The following KDSR variants were observed in gnomAD, a reference collection of about 807,000 sequenced individuals.
KDSR encodes the protein 3-dehydrosphinganine reductase.
Under a neutral mutation model 41.3 loss-of-function variants are expected in KDSR, and 23 were observed. The observed-to-expected ratio is 0.56, with a 90% CI of 0.40 to 0.79. KDSR has a LOEUF of 0.79. Ranked by LOEUF, KDSR falls within the 30% of genes least tolerant of loss-of-function variation. The pLI is 0.00. For missense variants in KDSR, 351 were observed against 416.8 expected, an observed-to-expected ratio of 0.84 and a Z score of 1.37; for synonymous variants, 138 against 151.7, an observed-to-expected ratio of 0.91 and a Z score of 0.66.
intron 7 of KDSR, among the ~76,000 whole-genome samples, chr18:63,339,655 C>T (rs1337656678): frequency 6.6e-6 from 1 of 152,204 alleles, no homozygotes; most frequent in Non-Finnish European, 1.5e-5. Context: ...TGTTTTAATA[C>T]ACATTATAGC....
In KDSR at chr18:63,331,112, C is replaced by G. The variant is rs547798387; in HGVS notation, c.*670G>C. On this transcript the variant is annotated 3_prime_UTR_variant, in exon 10 of 10. Transcript: ENST00000645214. ...TTCCCATTGCACTGCCCTCTCCCGTCCCCCTCGTAGCTTTATGGGATCAAA... is the reference window on the plus strand; with the variant it reads ...TTCCCATTGCACTGCCCTCTCCCGTGCCCCTCGTAGCTTTATGGGATCAAA... The G allele has an allele frequency of 4.3e-6, 1 of 233,016 alleles. No homozygotes were observed. Among genetic ancestry groups the G allele is most frequent in the Non-Finnish European group, 8.5e-6 (1 of 117,938 alleles). 14.4% of individuals were successfully genotyped at this position (233,016 alleles called of 1,614,324 possible). A position where few individuals can be genotyped will look rare whatever the true frequency, so the allele number is the denominator to read the frequency against.
intron 5 of KDSR, among the ~76,000 whole-genome samples, 154 bp downstream of exon 5, chr18:63,355,049 GT>G (rs1473034945): frequency 6.6e-5 from 10 of 152,188 alleles, no homozygotes; most frequent in African/African-American, 2.4e-4. Flanking sequence ...TGAAAACCTT[GT>G]TCAGCTTCAC....
intron 6 of KDSR, among the ~76,000 whole-genome samples, chr18:63,348,322 TTA>T (rs1810801528): frequency 1.3e-5 from 1 of 77,392 alleles, no homozygotes; most frequent in Non-Finnish European, 3.5e-5. Flanking sequence ...AAAATAAAAA[TTA>T]AAAAAAAAAA....
intron 3 of KDSR, among the ~76,000 whole-genome samples, chr18:63,357,718 T>G (rs934061885): frequency 4.0e-5 from 6 of 151,564 alleles, no homozygotes; most frequent in African/African-American, 1.5e-4. Flanking sequence ...CCCTCCTGAG[T>G]AGCTGGGGTT....
chr18:63,359,461 G>T, intron 3 of KDSR: 2 of 331,198 alleles, frequency 6.0e-6, no homozygotes, highest in Non-Finnish European at 1.1e-5. Context: ...TTAAGCATTT[G>T]TATAAAGTTC....
rs373603284 is a variant in KDSR at position 63,344,487 on chromosome 18, G to A, written c.616C>T (p.Pro206Ser). Reference sequence around the variant, plus strand: ...GCAACTGTGATGTAGACATTATATGGCTTCACCTGCATTTCAAAACAACAC... The same window carrying A: ...GCAACTGTGATGTAGACATTATATGACTTCACCTGCATTTCAAAACAACAC... ...LAEALQMEVK[P>S]YNVYITVAYP... Residue 206 changes from proline to serine, a missense_variant, in exon 7 of 10, where the codon CCA (proline) becomes TCA (serine). By Grantham distance (74) the Pro-to-Ser change is moderately conservative. Coordinates refer to ENST00000645214, the MANE Select transcript of KDSR (RefSeq NM_002035.4). 6.8e-6 allele frequency: 11 copies of A among 1,612,332 alleles called. No homozygotes were observed. In the African/African-American group the frequency reaches 1.5e-4, roughly 22 times the overall value.
chr18:63,343,408 A>C (rs1483408422), intron 7 of KDSR, among the ~76,000 whole-genome samples: 1 of 139,248 alleles, frequency 7.2e-6, no homozygotes. Flanking sequence ...TTTTTTTTAG[A>C]TATTGGTTCT....
At chr18:63,361,092 A>C in intron 2 of KDSR, among the ~76,000 whole-genome samples, 3 of 108,644 alleles carry the variant, frequency 2.8e-5, no homozygotes, top group South Asian at 3.5e-4. Flanking sequence ...ACACACACAA[A>C]TCAGCCAGGT....
At chr18:63,352,247 A>T (rs1914678754) in intron 5 of KDSR, among the ~76,000 whole-genome samples, 1 of 152,190 alleles carries the variant, frequency 6.6e-6, no homozygotes, top group African/African-American at 2.4e-5. Flanking sequence ...TTTTCATATT[A>T]TGAACAGAAC....
chr18:63,360,574 A>G (rs1914930568), intron 2 of KDSR, among the ~76,000 whole-genome samples: 1 of 152,212 alleles, frequency 6.6e-6, no homozygotes, highest in Non-Finnish European at 1.5e-5. Context: ...GGAATTAAAA[A>G]TTACATTAGA....
intron 8 of KDSR, 140 bp from the exon 9 acceptor site, chr18:63,335,498 A>C (rs1914127259): frequency 1.6e-6 from 1 of 632,354 alleles, no homozygotes; most frequent in Admixed American, 2.6e-5. Context: ...CAGCACTCAG[A>C]AATGGACGCA....
chr18:63,366,363 G>T (rs1390649812), intron 1 of KDSR: 2 of 152,404 alleles, frequency 1.3e-5, no homozygotes, highest in Non-Finnish European at 2.9e-5. Context: ...GCCACGCTGA[G>T]CTCAGAGACA....
At chr18:63,365,128 T>G (rs1915097875) in intron 1 of KDSR, among the ~76,000 whole-genome samples, 4 of 152,238 alleles carry the variant, frequency 2.6e-5, no homozygotes, top group African/African-American at 7.2e-5. Flanking sequence ...ATCAGCAGAT[T>G]ACTGTAAAAA....
chr18:63,348,092 G>A (rs1914564494), intron 6 of KDSR, among the ~76,000 whole-genome samples: 1 of 151,934 alleles, frequency 6.6e-6, no homozygotes, highest in Non-Finnish European at 1.5e-5. Context: ...ATCAAGACCA[G>A]CCCAGGCAAC....
In KDSR at chr18:63,330,138, T is replaced by C. The variant is rs1913933994; in HGVS notation, c.*1644A>G. 2 of 192,860 alleles carry C rather than the reference T, an allele frequency of 1.0e-5. No individual in the cohort carries two copies. Among genetic ancestry groups the C allele is most frequent in the South Asian group, 1.9e-4 (1 of 5,180 alleles). 11.9% of individuals were successfully genotyped at this position (192,860 alleles called of 1,614,324 possible). A position where few individuals can be genotyped will look rare whatever the true frequency, so the allele number is the denominator to read the frequency against. ...ACATCTTATTTTTTAAAAAGTTAAG[T>C]CATTTAAAGTCAAGAGCTTCAAAAA... On this transcript the variant is annotated 3_prime_UTR_variant, in exon 10 of 10. Coordinates refer to ENST00000645214, the MANE Select transcript of KDSR (RefSeq NM_002035.4).
chr18:63,351,020 G>C lies in KDSR; in HGVS notation c.477C>G (p.Thr159=), dbSNP rs1352212845. The change falls in exon 6 of 10, where the codon ACC becomes ACG. Residue 159 remains threonine (T), a synonymous_variant. Transcript: ENST00000645214. ...SVYPSRAVIT[T]MKERRVGRIV... Reference sequence around the variant, plus strand: ...TCCTGCCCACCCGGCGCTCCTTCATGGTGGTGATCACGGCCCGGCTGGGGT... The same window carrying C: ...TCCTGCCCACCCGGCGCTCCTTCATCGTGGTGATCACGGCCCGGCTGGGGT... The C allele has an allele frequency of 3.1e-6, 5 of 1,614,154 alleles. No individual in the cohort carries two copies. The highest frequency in any genetic ancestry group is 1.1e-5 in the South Asian group (1 of 91,086).
At chr18:63,335,216 G>A in intron 9 of KDSR, 41 bp downstream of exon 9, 1 of 1,333,302 alleles carries the variant, frequency 7.5e-7, no homozygotes, top group Non-Finnish European at 1.1e-6. Flanking sequence ...TTTTTCTCTT[G>A]TCCATCGGCC....
chr18:63,341,174 CAG>C (rs921775570), intron 7 of KDSR, among the ~76,000 whole-genome samples: 6 of 151,184 alleles, frequency 4.0e-5, no homozygotes, highest in Admixed American at 3.3e-4. Context: ...AAAACAACAA[CAG>C]AGAAAAAGAA....
intron 8 of KDSR, among the ~76,000 whole-genome samples, chr18:63,337,754 C>T (rs1396148687): frequency 1.3e-5 from 2 of 152,076 alleles, no homozygotes; most frequent in Admixed American, 1.3e-4. Context: ...TGGTGAAGCC[C>T]CATTTCTACT....
Sources: allele counts gnomAD v4.1 joint callset (sites outside exome capture counted in the v4.1 genomes callset), GRCh38; gene constraint gnomAD v4.1.1; transcripts MANE v1.5; gene names NCBI Gene and HGNC (gene_info 2026-07-23, HGNC 2026-07-21).